The following CMIP variants were observed in gnomAD, a reference collection of about 807,000 sequenced individuals.
The protein encoded by CMIP is C-Maf-inducing protein.
CMIP carries 13 observed loss-of-function variants against 97.3 expected under a neutral mutation model. That is an observed-to-expected ratio of 0.13 (90% CI 0.09 to 0.21). The LOEUF (loss-of-function observed/expected upper bound fraction) is 0.21, where lower values mean the gene tolerates loss of function less well. Ranked by LOEUF, CMIP falls within the 10% of genes least tolerant of loss-of-function variation. The pLI, the probability that CMIP is intolerant of heterozygous loss-of-function variation, is 1.00. For missense variants in CMIP, 847 were observed against 1,024.9 expected (o/e 0.83, Z 2.37); for synonymous variants, 538 against 436.3 (o/e 1.23, Z -2.91).
chr16:81,446,281 G>T (rs930966481), intron 1 of CMIP, among the ~76,000 whole-genome samples: 106 of 152,146 alleles, frequency 7.0e-4, no homozygotes, highest in African/African-American at 2.6e-3. Flanking sequence ...GTTGCTGGAG[G>T]TTTAATTTTG....
intron 3 of CMIP, among the ~76,000 whole-genome samples, chr16:81,634,229 A>G (rs1474305806): frequency 6.6e-6 from 1 of 152,174 alleles, no homozygotes; most frequent in African/African-American, 2.4e-5. Flanking sequence ...AGAACAATAA[A>G]CATCTATTGA....
chr16:81,512,354 A>G (rs1324447935), intron 1 of CMIP, among the ~76,000 whole-genome samples: 1 of 152,100 alleles, frequency 6.6e-6, no homozygotes, highest in Non-Finnish European at 1.5e-5. Context: ...TGCCTGATCT[A>G]TCCATCACCA....
intron 8 of CMIP, among the ~76,000 whole-genome samples, chr16:81,671,558 G>A (rs2092683140): frequency 6.6e-6 from 1 of 152,240 alleles, no homozygotes; most frequent in Non-Finnish European, 1.5e-5. Context: ...GTGTGAGCAT[G>A]ACTGTCCCAG....
chr16:81,567,849 G>A (rs935445493), intron 1 of CMIP, among the ~76,000 whole-genome samples: 3 of 152,162 alleles, frequency 2.0e-5, no homozygotes, highest in African/African-American at 7.2e-5. Context: ...GCAGCCCTGG[G>A]CACGTAGTAG....
At chr16:81,489,243 G>A (rs1039470216) in intron 1 of CMIP, among the ~76,000 whole-genome samples, 1 of 152,128 alleles carries the variant, frequency 6.6e-6, no homozygotes, top group Non-Finnish European at 1.5e-5. Flanking sequence ...CTGACTTGAG[G>A]GGTGAGGGAG....
intron 11 of CMIP, 26 bp from the exon 12 acceptor site, chr16:81,693,132 C>T (rs771117979): frequency 5.0e-6 from 8 of 1,606,044 alleles, no homozygotes; most frequent in African/African-American, 2.7e-5. Flanking sequence ...TGTTAACCGC[C>T]GTGTTTTCCC....
intron 1 of CMIP, among the ~76,000 whole-genome samples, chr16:81,567,528 G>A (rs2091004038): frequency 6.6e-6 from 1 of 152,240 alleles, no homozygotes; most frequent in Non-Finnish European, 1.5e-5. Context: ...GGTAAGGGAT[G>A]CCACGTCTCT....
At chr16:81,706,687 C>T (rs2151108773) in intron 19 of CMIP, among the ~76,000 whole-genome samples, 1 of 152,286 alleles carries the variant, frequency 6.6e-6, no homozygotes, top group East Asian at 1.9e-4. Context: ...AGTGGGGAGG[C>T]CTCGGGCCTG....
Position 81,652,124 on chromosome 16 carries a change from C to T in CMIP, c.478-79C>T. Reference sequence around the variant, plus strand: ...CAGGGCCCTTTACACCCTAACCCATCTGATTCTTTGATTGTCTTCCATCTT... The same window carrying T: ...CAGGGCCCTTTACACCCTAACCCATTTGATTCTTTGATTGTCTTCCATCTT... On this transcript the variant is annotated intron_variant, in intron 3 of 20. Transcript: ENST00000537098. This position sits in a 1 kb window ranked among gnomAD's most constrained non-coding sequence, Gnocchi z 5.2. 1 of 1,218,296 alleles carries T rather than the reference C, an allele frequency of 8.2e-7. No homozygotes were observed. 75.5% of individuals were successfully genotyped at this position (1,218,296 alleles called of 1,614,324 possible).
rs539684091 is a variant in CMIP, at chr16:81,650,519, T to C, written c.478-1684T>C. Among the ~76,000 whole-genome samples the C allele has an allele frequency of 1.1e-4, 17 of 151,776 alleles. No individual in the cohort carries two copies. In the South Asian group the frequency reaches 3.3e-3, roughly 30 times the overall value. ...AATGAAAACCGTCTTTGGTGTGAGT[T>C]CATGGGGGCGACACCAGTGGCAATG... On this transcript the variant is annotated intron_variant, in intron 3 of 20. Transcript: ENST00000537098.
chr16:81,578,252 C>G (rs1466062869), intron 1 of CMIP, among the ~76,000 whole-genome samples: 1 of 152,242 alleles, frequency 6.6e-6, no homozygotes, highest in Non-Finnish European at 1.5e-5. Flanking sequence ...CCATCATCTT[C>G]GTCACCACTG....
intron 1 of CMIP, among the ~76,000 whole-genome samples, chr16:81,590,724 C>T (rs1465878425): frequency 6.6e-6 from 1 of 152,144 alleles, no homozygotes; most frequent in Non-Finnish European, 1.5e-5. Flanking sequence ...GCGTAAACAA[C>T]AAATAACAAA....
At chr16:81,680,074 C>T (rs1257996935) in intron 10 of CMIP, among the ~76,000 whole-genome samples, 7 of 152,126 alleles carry the variant, frequency 4.6e-5, no homozygotes, top group Admixed American at 2.0e-4. Flanking sequence ...CGGAGGGGTT[C>T]GGGGTATGGC....
rs1457599416 is a variant in CMIP, at chr16:81,652,412, A to G, written c.639+48A>G. ...CTTTACATTGTTTGCCTTTCCCTCC[A>G]CCGATCACCGGCTCCATGCCAAGCA... is the stretch of plus-strand genomic sequence containing the variant. On this transcript the variant is annotated intron_variant, in intron 4 of 20. Transcript: ENST00000537098. The surrounding 1 kb of genome is among the most constrained non-coding windows in gnomAD (Gnocchi z 5.2). 1.3e-6 allele frequency: 2 copies of G among 1,494,586 alleles called. No homozygotes were observed. The highest frequency in any genetic ancestry group is 9.2e-7 in the Non-Finnish European group (1 of 1,087,546). 92.6% of individuals were successfully genotyped at this position (1,494,586 alleles called of 1,614,324 possible).
At chr16:81,658,603 G>C (rs953399715) in intron 5 of CMIP, among the ~76,000 whole-genome samples, 3 of 152,236 alleles carry the variant, frequency 2.0e-5, no homozygotes, top group African/African-American at 7.2e-5. Flanking sequence ...GGCAAAACGG[G>C]ATAAAAGCAT....
rs1907077315 is a variant in CMIP, at chr16:81,698,976, G to A, written c.1639-709G>A. ...TCTTGAAAAAACTAGCAAGGGCCGG[G>A]CACAGTGGCTCACGCCTGTAATCCC... On this transcript the variant is annotated intron_variant, in intron 14 of 20. Coordinates refer to ENST00000537098, the MANE Select transcript of CMIP (RefSeq NM_198390.3). Among the ~76,000 whole-genome samples, 3 of 152,234 alleles carry A rather than the reference G, an allele frequency of 2.0e-5. No individual in the cohort carries two copies. In the South Asian group the frequency reaches 6.2e-4, roughly 31 times the overall value.
intron 10 of CMIP, among the ~76,000 whole-genome samples, chr16:81,682,724 C>A (rs1398156132): frequency 1.3e-5 from 2 of 152,230 alleles, no homozygotes; most frequent in African/African-American, 2.4e-5. Context: ...CGCTCCACTG[C>A]CAGGGAGCAG....
At chr16:81,575,193 C>A (rs1385516077) in intron 1 of CMIP, among the ~76,000 whole-genome samples, 1 of 152,208 alleles carries the variant, frequency 6.6e-6, no homozygotes, top group Non-Finnish European at 1.5e-5. Flanking sequence ...CTATTATTAT[C>A]CCCAGTTTAT....
chr16:81,686,188 T>C (rs1033837531), intron 10 of CMIP, among the ~76,000 whole-genome samples: 2 of 152,332 alleles, frequency 1.3e-5, no homozygotes, highest in South Asian at 2.1e-4. Context: ...GTCAACTGCA[T>C]TTCCATTTTC....
Sources: allele counts gnomAD v4.1 joint callset (sites outside exome capture counted in the v4.1 genomes callset), GRCh38; gene constraint gnomAD v4.1.1; non-coding constraint Gnocchi (gnomAD v3.1); transcripts MANE v1.5; gene names NCBI Gene and HGNC (gene_info 2026-07-23, HGNC 2026-07-21).